Variants in MS4A12 observed in about 807,000 individuals in gnomAD.
MS4A12 encodes membrane spanning 4-domains A12, also known as membrane-spanning 4-domains subfamily A member 12.
MS4A12 carries 28 observed loss-of-function variants against 23.7 expected under a neutral mutation model. The observed-to-expected ratio is 1.18, with a 90% CI of 0.88 to 1.62. The LOEUF (loss-of-function observed/expected upper bound fraction) is 1.62. Among genes scored for constraint, MS4A12 ranks in the 40% most tolerant of loss-of-function variants. The probability of loss-of-function intolerance (pLI) is 0.00; values close to 1 mark genes in which losing one functional copy is unlikely to be tolerated. For missense variants in MS4A12, 342 were observed against 327.0 expected (o/e 1.05, Z -0.35); for synonymous variants, 108 against 110.1 (o/e 0.98, Z 0.12).
intron 2 of MS4A12, among the ~76,000 whole-genome samples, chr11:60,499,544 T>C (rs1418092350): frequency 2.6e-5 from 4 of 152,246 alleles, no homozygotes; most frequent in African/African-American, 9.6e-5. Context: ...TCTCTGAAGC[T>C]ATAAGCAAAA....
intron 6 of MS4A12, 86 bp from the exon 7 acceptor site, chr11:60,506,934 C>T: frequency 2.0e-6 from 3 of 1,514,546 alleles, no homozygotes; most frequent in Non-Finnish European, 2.7e-6. Flanking sequence ...TACCAGAATG[C>T]TCTTTGTCCT....
At chr11:60,499,093 T>C (rs2086511415) in intron 2 of MS4A12, among the ~76,000 whole-genome samples, 1 of 151,860 alleles carries the variant, frequency 6.6e-6, no homozygotes. Flanking sequence ...GAATGTGAAG[T>C]TTTGTTTTCA....
At position 60,497,461 on chromosome 11, in the gene MS4A12, G is replaced by C. The variant is rs545246635; in HGVS notation, c.143G>C (p.Arg48Pro). Residue 48 changes from arginine (R) to proline (P), a missense_variant, in exon 2 of 7, where the codon CGT becomes CCT. Transcript: ENST00000016913. ...NLENQAQGAQRAQPYGITSPG... is the reference protein window; with the variant it reads ...NLENQAQGAQPAQPYGITSPG... ...GAAAACCAAGCTCAGGGTGCTCAGC[G>C]TGCTCAGCCCTACGGCATCACATCT... The C allele has an allele frequency of 4.3e-6, 7 of 1,614,034 alleles. No individual in the cohort carries two copies. In the African/African-American group the frequency reaches 8.0e-5, roughly 18 times the overall value.
chr11:60,499,309 G>A (rs1175864871), intron 2 of MS4A12, among the ~76,000 whole-genome samples: 1 of 152,152 alleles, frequency 6.6e-6, no homozygotes, highest in East Asian at 1.9e-4. Context: ...TGTCCTATAG[G>A]CAATTTTGAT....
chr11:60,497,636 A>T, intron 2 of MS4A12, 42 bp downstream of exon 2: 1 of 1,594,112 alleles, frequency 6.3e-7, no homozygotes, highest in Non-Finnish European at 8.6e-7. Flanking sequence ...CACATTTGCA[A>T]GGTCTTCTTA....
At chr11:60,495,249 G>T (rs931406409) in intron 1 of MS4A12, among the ~76,000 whole-genome samples, 3 of 151,230 alleles carry the variant, frequency 2.0e-5, no homozygotes, top group Non-Finnish European at 1.5e-5. Flanking sequence ...GGATCTGCCC[G>T]CCTCGGCCTC....
chr11:60,494,700 C>G (rs995498827), intron 1 of MS4A12, among the ~76,000 whole-genome samples: 2 of 152,156 alleles, frequency 1.3e-5, no homozygotes, highest in Non-Finnish European at 2.9e-5. Context: ...ATAATTTGAA[C>G]TTTAGACTAG....
Position 60,499,053 on chromosome 11 carries a change from G to A in MS4A12, c.276+1459G>A, listed in dbSNP as rs192216292. Among the ~76,000 whole-genome samples, 5 of 152,298 alleles carry A rather than the reference G, an allele frequency of 3.3e-5. No individual in the cohort carries two copies. In the East Asian group the frequency reaches 5.8e-4, roughly 18 times the overall value. ...CCACTGAAGCATGCTGCCCGGCACC[G>A]AAGAGGCGTGTGATAAAAATACTTT... On this transcript the variant is annotated intron_variant, in intron 2 of 6. Transcript: ENST00000016913.
chr11:60,502,029 C>G lies in MS4A12; in HGVS notation c.461C>G (p.Ser154Cys). ...SLSVSASKEL[S>C]RCLVKGSLGM... ...TCTGTGTCAGCATCCAAGGAGCTTTCCCGTTGTCTGGTAAGTTAGACTGTC... is the reference window on the plus strand; with the variant it reads ...TCTGTGTCAGCATCCAAGGAGCTTTGCCGTTGTCTGGTAAGTTAGACTGTC... The change falls in exon 4 of 7, where the codon TCC becomes TGC. Residue 154 changes from serine (S) to cysteine (C), a missense_variant. Ser to Cys is a moderately radical substitution (Grantham distance 112). Transcript: ENST00000016913. 6.2e-7 allele frequency: 1 copy of G among 1,612,340 alleles called. No homozygotes were observed. Among genetic ancestry groups the G allele is most frequent in the Non-Finnish European group, 8.5e-7 (1 of 1,178,432 alleles).
In MS4A12 at chr11:60,502,420, C is replaced by T. The variant is rs145641108; in HGVS notation, c.471+381C>T. ...TTACCAAGTCTCTACTGTTCATTTGCCACTTCTCAGCTCTGTCTTGTATTT... is the reference window on the plus strand; with the variant it reads ...TTACCAAGTCTCTACTGTTCATTTGTCACTTCTCAGCTCTGTCTTGTATTT... On this transcript the variant is annotated intron_variant, in intron 4 of 6. Coordinates refer to ENST00000016913, the MANE Select transcript of MS4A12 (RefSeq NM_017716.3). Among the ~76,000 whole-genome samples the T allele has an allele frequency of 2.6e-4, 39 of 152,316 alleles. No homozygotes were observed. The East Asian group carries it at 7.5e-3, about 29-fold the overall frequency.
intron 5 of MS4A12, among the ~76,000 whole-genome samples, chr11:60,506,333 G>A (rs1243135633): frequency 6.6e-6 from 1 of 151,972 alleles, no homozygotes; most frequent in Non-Finnish European, 1.5e-5. Flanking sequence ...TACACAGAGA[G>A]CTAGGATAAT....
chr11:60,499,146 T>C (rs964540352), intron 2 of MS4A12, among the ~76,000 whole-genome samples: 1 of 150,818 alleles, frequency 6.6e-6, no homozygotes. Flanking sequence ...TCTGAAGATT[T>C]GTTATTTCTA....
At chr11:60,495,919 G>A (rs2086484526) in intron 1 of MS4A12, among the ~76,000 whole-genome samples, 1 of 152,196 alleles carries the variant, frequency 6.6e-6, no homozygotes, top group Non-Finnish European at 1.5e-5. Flanking sequence ...TCAATACCCT[G>A]TCACCAAGGC....
intron 5 of MS4A12, among the ~76,000 whole-genome samples, chr11:60,504,491 T>C (rs1395285872): frequency 6.6e-6 from 1 of 152,208 alleles, no homozygotes; most frequent in Non-Finnish European, 1.5e-5. Flanking sequence ...CTGTGAGCAA[T>C]GGAAAACCAC....
At chr11:60,502,460 G>A (rs1316634643) in intron 4 of MS4A12, among the ~76,000 whole-genome samples, 1 of 151,954 alleles carries the variant, frequency 6.6e-6, no homozygotes, top group African/African-American at 2.4e-5. Flanking sequence ...TTTTTTATTT[G>A]TGCTATTTCC....
Position 60,497,396 on chromosome 11 carries a change from G to T in MS4A12, c.78G>T (p.Met26Ile). Reference sequence around the variant, plus strand: ...ACCCTTACCCACCAAGCAGCTTTATGGCTCCTGGATTTCAACAGCCTCTGG... The same window carrying T: ...ACCCTTACCCACCAAGCAGCTTTATTGCTCCTGGATTTCAACAGCCTCTGG... ...IPNPYPPSSF[M>I]APGFQQPLGS... Residue 26 changes from methionine to isoleucine, a missense_variant, in exon 2 of 7, where the codon ATG becomes ATT. Transcript: ENST00000016913. 1 of 1,614,154 alleles carries T rather than the reference G, an allele frequency of 6.2e-7. No homozygotes were observed. Among genetic ancestry groups the T allele is most frequent in the Non-Finnish European group, 8.5e-7 (1 of 1,180,026 alleles).
At position 60,497,567 on chromosome 11, in the gene MS4A12, C is replaced by T. The variant is rs1395992059; in HGVS notation, c.249C>T (p.Asn83=). The part of the protein sequence containing the change: ...INPSVGTAVM[N]FKEEAKALGV... Reference sequence around the variant, plus strand: ...CAAGTGTGGGAACAGCAGTAATGAACTTTAAAGAAGAAGCAAAGGCACTAG... The same window carrying T: ...CAAGTGTGGGAACAGCAGTAATGAATTTTAAAGAAGAAGCAAAGGCACTAG... Residue 83 remains asparagine, a synonymous_variant, in exon 2 of 7, where the codon AAC becomes AAT. Transcript: ENST00000016913. The T allele has an allele frequency of 2.5e-6, 4 of 1,614,132 alleles. No individual in the cohort carries two copies. The South Asian group carries it at 4.4e-5, about 18-fold the overall frequency.
rs2086573514 is a variant in MS4A12, at chr11:60,506,797, A to G, written c.658A>G (p.Thr220Ala). ...CTTGGAGTTCTTCGTAGCTTGTGCC[A>G]CAGCCCATTTTGCCAACCAAGCAAA... is the stretch of plus-strand genomic sequence containing the variant. ...SLLEFFVACA[T>A]AHFANQANTT... The change falls in exon 6 of 7, where the codon ACA becomes GCA. Residue 220 changes from threonine to alanine, a missense_variant. Thr to Ala is a moderately conservative substitution (Grantham distance 58). Coordinates refer to ENST00000016913, the MANE Select transcript of MS4A12 (RefSeq NM_017716.3). 1.9e-6 allele frequency: 3 copies of G among 1,614,034 alleles called. No homozygotes were observed. The Admixed American group carries it at 5.0e-5, about 27-fold the overall frequency.
chr11:60,500,018 T>A (rs1168382791), intron 2 of MS4A12, among the ~76,000 whole-genome samples: 1 of 151,348 alleles, frequency 6.6e-6, no homozygotes, highest in Non-Finnish European at 1.5e-5. Flanking sequence ...GGCGGGCAGA[T>A]CAAGAGGTCA....
Sources: allele counts gnomAD v4.1 joint callset (sites outside exome capture counted in the v4.1 genomes callset), GRCh38; gene constraint gnomAD v4.1.1; transcripts MANE v1.5; gene names NCBI Gene and HGNC (gene_info 2026-07-23, HGNC 2026-07-21).